Variants in INSL6 observed in about 807,000 individuals in gnomAD.
INSL6 encodes the protein insulin like 6.
A neutral mutation model predicts 9.4 loss-of-function variants in INSL6; 16 were observed. That is an observed-to-expected ratio of 1.70 (90% CI 1.15 to 2.59). INSL6 has a LOEUF of 2.59. Ranked by LOEUF, INSL6 falls within the 30% of genes most tolerant of loss-of-function variation. INSL6 has a pLI of 0.00. For missense variants in INSL6, 391 were observed against 257.3 expected (o/e 1.52, Z -3.56); for synonymous variants, 154 against 96.9 (o/e 1.59, Z -3.46).
the INSL6 span, among the ~76,000 whole-genome samples, chr9:5,079,248 T>C: frequency 2.0e-3 from 297 of 151,960 alleles, 1 homozygote; most frequent in Middle Eastern, 0.01. Context: ...GAAAAAAATG[T>C]ATTCATATGG....
chr9:5,030,962 TATA>T, the INSL6 span, among the ~76,000 whole-genome samples: 1 of 152,118 alleles, frequency 6.6e-6, no homozygotes, highest in African/African-American at 2.4e-5. Flanking sequence ...CAACCAGTTA[TATA>T]ATAGATAAAG....
At chr9:5,168,790 A>C (rs1487967835) in intron 1 of INSL6, among the ~76,000 whole-genome samples, 2 of 126,648 alleles carry the variant, frequency 1.6e-5, no homozygotes, top group African/African-American at 4.1e-5. Context: ...TCAGTTCTCC[A>C]AGGTCAAAAT....
At chr9:5,086,871 C>A in the INSL6 span, among the ~76,000 whole-genome samples, 1 of 152,158 alleles carries the variant, frequency 6.6e-6, no homozygotes, top group Non-Finnish European at 1.5e-5. Context: ...TTGTATCAAG[C>A]GCGTTTAAAT....
intron 2 of INSL6, among the ~76,000 whole-genome samples, chr9:5,153,376 G>A (rs1359911333): frequency 6.6e-6 from 1 of 152,208 alleles, no homozygotes; most frequent in Non-Finnish European, 1.5e-5. Context: ...CGCCATTGCT[G>A]AGGCTTGAGT....
At chr9:5,093,065 T>G in the INSL6 span, among the ~76,000 whole-genome samples, 1,209 of 152,302 alleles carry the variant, frequency 7.9e-3, 12 homozygotes, top group African/African-American at 0.027. Flanking sequence ...TGGTCTAATC[T>G]ATTATTTAAT....
chr9:5,146,676 G>A (rs991534031), intron 2 of INSL6, among the ~76,000 whole-genome samples: 2 of 152,244 alleles, frequency 1.3e-5, no homozygotes, highest in African/African-American at 2.4e-5. Flanking sequence ...CAGGGGTTGA[G>A]AGGAATACTG....
chr9:5,126,618 G>A, intron 3 of INSL6: 1 of 1,161,338 alleles, frequency 8.6e-7, no homozygotes, highest in South Asian at 1.4e-5. Flanking sequence ...GAAAATTAAT[G>A]TCTTCCACCA....
the INSL6 span, among the ~76,000 whole-genome samples, chr9:5,054,299 A>T: frequency 6.6e-6 from 1 of 152,074 alleles, no homozygotes; most frequent in Admixed American, 6.6e-5. This position sits in a 1 kb window ranked among gnomAD's most constrained non-coding sequence, Gnocchi z 4.9. Flanking sequence ...CTGAGGATTC[A>T]TTTCATTAGG....
At chr9:5,180,584 G>C (rs748167488) in intron 1 of INSL6, among the ~76,000 whole-genome samples, 1 of 152,094 alleles carries the variant, frequency 6.6e-6, no homozygotes, top group Non-Finnish European at 1.5e-5. Flanking sequence ...GTTGACATAA[G>C]GACTGATATA....
chr9:5,148,426 C>T (rs1033899881), intron 2 of INSL6, among the ~76,000 whole-genome samples: 3 of 152,194 alleles, frequency 2.0e-5, no homozygotes, highest in Non-Finnish European at 2.9e-5. Flanking sequence ...TGACCCCCCT[C>T]ACCCGGTCGG....
At chr9:5,027,222 G>A in the INSL6 span, among the ~76,000 whole-genome samples, 1 of 152,308 alleles carries the variant, frequency 6.6e-6, no homozygotes, top group African/African-American at 2.4e-5. Context: ...CGGAGATATT[G>A]TGGGTTTGGT....
At chr9:5,017,884 T>C in the INSL6 span, among the ~76,000 whole-genome samples, 7 of 152,216 alleles carry the variant, frequency 4.6e-5, no homozygotes, top group Admixed American at 1.3e-4. Flanking sequence ...CATTCTAGAA[T>C]TACCTTGTCT....
At chr9:5,029,209 G>C in the INSL6 span, among the ~76,000 whole-genome samples, 1 of 152,068 alleles carries the variant, frequency 6.6e-6, no homozygotes, top group African/African-American at 2.4e-5. Context: ...CCATATTGTT[G>C]TGTCTCAGGG....
In INSL6 at chr9:5,167,178, G is replaced by C. The variant is rs1289568159; in HGVS notation, c.290-2913C>G. Among the ~76,000 whole-genome samples the C allele has an allele frequency of 2.6e-5, 4 of 152,196 alleles. No individual in the cohort carries two copies. The East Asian group carries it at 7.7e-4, about 29-fold the overall frequency. ...AGGGCAAAGGGAGCTCCCTTCCCCA[G>C]CCAAGGGAGGCAGTGAGGGATTGTG... On this transcript the variant is annotated intron_variant, in intron 1 of 1. Transcript: ENST00000381641.
the INSL6 span, chr9:5,041,239 G>A: frequency 6.8e-7 from 1 of 1,464,582 alleles, no homozygotes. Flanking sequence ...GGACCAAGCG[G>A]CAGCACGCCA....
intron 3 of INSL6, chr9:5,127,736 A>ATAGAT (rs1242843196): frequency 1.3e-5 from 3 of 232,492 alleles, no homozygotes; most frequent in South Asian, 1.8e-4. Flanking sequence ...AAGCCATAAA[A>ATAGAT]TAGATTAGAT....
the INSL6 span, among the ~76,000 whole-genome samples, chr9:5,115,478 T>G: frequency 3.3e-5 from 5 of 152,186 alleles, no homozygotes; most frequent in Non-Finnish European, 7.3e-5. Context: ...GTAAATTAGT[T>G]CAACCATTGT....
intron 3 of INSL6, among the ~76,000 whole-genome samples, chr9:5,130,066 A>C (rs2130877202): frequency 6.6e-6 from 1 of 152,318 alleles, no homozygotes; most frequent in African/African-American, 2.4e-5. Context: ...CTCCAACTGA[A>C]ACACCAGTCT....
At chr9:5,026,425 G>T in the INSL6 span, among the ~76,000 whole-genome samples, 1 of 152,148 alleles carries the variant, frequency 6.6e-6, no homozygotes, top group Non-Finnish European at 1.5e-5. Context: ...TTACACATCT[G>T]TAAGTAGACG....
Sources: allele counts gnomAD v4.1 joint callset (sites outside exome capture counted in the v4.1 genomes callset), GRCh38; gene constraint gnomAD v4.1.1; non-coding constraint Gnocchi (gnomAD v3.1); transcripts MANE v1.5; gene names NCBI Gene and HGNC (gene_info 2026-07-23, HGNC 2026-07-21).